Variants in ADAMTS6 observed in about 807,000 individuals in gnomAD.
The protein encoded by ADAMTS6 is A disintegrin and metalloproteinase with thrombospondin motifs 6.
ADAMTS6 carries 23 observed loss-of-function variants against 144.3 expected under a neutral mutation model. The observed-to-expected ratio is 0.16, with a 90% confidence interval of 0.11 to 0.23. The LOEUF (loss-of-function observed/expected upper bound fraction) is 0.23, where lower values mean the gene tolerates loss of function less well. ADAMTS6 is among the 10% of genes least tolerant of loss of function. The pLI, the probability that ADAMTS6 is intolerant of heterozygous loss-of-function variation, is 1.00. For missense variants in ADAMTS6, 999 were observed against 1,379.6 expected (o/e 0.72, Z 4.37); for synonymous variants, 444 against 457.5 (o/e 0.97, Z 0.38).
At position 65,280,593 on chromosome 5, in the gene ADAMTS6, A is replaced by C. The variant is rs145702213; in HGVS notation, c.1513-7146T>G. 2.4e-4 allele frequency among the ~76,000 whole-genome samples: 37 copies of C among 152,328 alleles called. No homozygotes were observed. In the East Asian group the frequency reaches 7.1e-3, roughly 29 times the overall value. On this transcript the variant is annotated intron_variant, in intron 11 of 24. Transcript: ENST00000381055. ...CTAGGAAACATTCACACATGAAAAA[A>C]ACAAGGCTTGTGCATTATACTGGCA...
At chr5:65,283,391 T>C (rs1429362493) in intron 11 of ADAMTS6, among the ~76,000 whole-genome samples, 4 of 151,686 alleles carry the variant, frequency 2.6e-5, no homozygotes, top group Admixed American at 2.6e-4. Context: ...AAACCCTTAA[T>C]CCACAAATCC....
At chr5:65,398,199 A>G (rs1339516076) in intron 7 of ADAMTS6, among the ~76,000 whole-genome samples, 1 of 152,142 alleles carries the variant, frequency 6.6e-6, no homozygotes, top group Non-Finnish European at 1.5e-5. Context: ...CAGTTGCTGA[A>G]TTTGTCCATT....
At chr5:65,251,792 T>C (rs1439217897) in intron 14 of ADAMTS6, 1 of 152,212 alleles carries the variant, frequency 6.6e-6, no homozygotes, top group Non-Finnish European at 1.5e-5. Flanking sequence ...CATCCTTTTC[T>C]GATCTATTCT....
At chr5:65,399,582 G>C (rs903940219) in intron 7 of ADAMTS6, among the ~76,000 whole-genome samples, 1 of 151,654 alleles carries the variant, frequency 6.6e-6, no homozygotes, top group Non-Finnish European at 1.5e-5. Context: ...TACAACTAAT[G>C]CAAGTTCATT....
chr5:65,337,853 G>A (rs1388875051), intron 7 of ADAMTS6, among the ~76,000 whole-genome samples: 1 of 152,104 alleles, frequency 6.6e-6, no homozygotes, highest in Non-Finnish European at 1.5e-5. Context: ...AATAATGCAA[G>A]GAGTCTCGCT....
At chr5:65,219,300 C>A (rs1757143475) in intron 18 of ADAMTS6, among the ~76,000 whole-genome samples, 1 of 152,168 alleles carries the variant, frequency 6.6e-6, no homozygotes, top group African/African-American at 2.4e-5. Context: ...ATAGTTGTAA[C>A]ACAGACTGTA....
chr5:65,390,358 AT>A lies in ADAMTS6; in HGVS notation c.1074-56274del, dbSNP rs1401227371. On this transcript the variant is annotated intron_variant, in intron 7 of 24. Coordinates refer to ENST00000381055, the MANE Select transcript of ADAMTS6 (RefSeq NM_197941.4). ...AGAGAAAAAAATAAGTAAAAAAGGC[AT>A]TGATAGAGTAGGCTGACAGAGATTT... 4.6e-5 allele frequency among the ~76,000 whole-genome samples: 7 copies of A among 152,340 alleles called. No homozygotes were observed. The East Asian group carries it at 1.4e-3, about 29-fold the overall frequency.
At chr5:65,436,411 G>A (rs1411886326) in intron 7 of ADAMTS6, among the ~76,000 whole-genome samples, 1 of 152,098 alleles carries the variant, frequency 6.6e-6, no homozygotes, top group Non-Finnish European at 1.5e-5. Context: ...TTCAAGACAT[G>A]CTTTATTTTA....
chr5:65,303,745 A>G (rs1418313702), intron 9 of ADAMTS6, among the ~76,000 whole-genome samples: 1 of 152,028 alleles, frequency 6.6e-6, no homozygotes, highest in Non-Finnish European at 1.5e-5. Context: ...AGAGGGGAAA[A>G]TGATATAAAT....
At chr5:65,339,306 G>A (rs1747599901) in intron 7 of ADAMTS6, among the ~76,000 whole-genome samples, 1 of 151,908 alleles carries the variant, frequency 6.6e-6, no homozygotes, top group Non-Finnish European at 1.5e-5. Context: ...CTAGAACCAA[G>A]GCTAACAGAC....
intron 23 of ADAMTS6, 68 bp from the exon 24 acceptor site, chr5:65,170,841 ATGTC>A: frequency 6.7e-7 from 1 of 1,502,900 alleles, no homozygotes; most frequent in Non-Finnish European, 9.1e-7. Context: ...AAAATATACT[ATGTC>A]ATTTCAAATA....
intron 7 of ADAMTS6, among the ~76,000 whole-genome samples, chr5:65,372,931 C>T (rs1354547677): frequency 6.6e-6 from 1 of 152,132 alleles, no homozygotes. Context: ...TGCAATCAAA[C>T]TAGAACTCAG....
chr5:65,381,332 C>T (rs754632138), intron 7 of ADAMTS6, among the ~76,000 whole-genome samples: 5 of 150,640 alleles, frequency 3.3e-5, no homozygotes, highest in African/African-American at 1.2e-4. Flanking sequence ...TTCTAGGTAA[C>T]CAAAGCAAAA....
chr5:65,203,893 T>C (rs1030319039), intron 20 of ADAMTS6, among the ~76,000 whole-genome samples: 1 of 152,218 alleles, frequency 6.6e-6, no homozygotes, highest in African/African-American at 2.4e-5. Context: ...CTGTGATATA[T>C]AGATCATTAA....
At chr5:65,250,730 A>G (rs1446541985) in intron 14 of ADAMTS6, among the ~76,000 whole-genome samples, 2 of 152,180 alleles carry the variant, frequency 1.3e-5, no homozygotes, top group Non-Finnish European at 2.9e-5. Flanking sequence ...GTAAACACCA[A>G]ATCACAAGTA....
intron 7 of ADAMTS6, among the ~76,000 whole-genome samples, chr5:65,447,529 T>G (rs1206620086): frequency 6.6e-6 from 1 of 152,068 alleles, no homozygotes; most frequent in Non-Finnish European, 1.5e-5. Context: ...AATTTGCAAG[T>G]TTTATAGCAA....
intron 15 of ADAMTS6, among the ~76,000 whole-genome samples, chr5:65,235,901 T>G (rs1401923495): frequency 6.6e-6 from 1 of 152,238 alleles, no homozygotes; most frequent in Non-Finnish European, 1.5e-5. Flanking sequence ...CTTAAGTTAA[T>G]GCTTAGTATG....
intron 9 of ADAMTS6, among the ~76,000 whole-genome samples, chr5:65,315,999 C>A (rs1247580057): frequency 6.6e-6 from 1 of 152,166 alleles, no homozygotes; most frequent in Non-Finnish European, 1.5e-5. Flanking sequence ...GCAACCTCTG[C>A]CTCCCGGGTT....
intron 7 of ADAMTS6, among the ~76,000 whole-genome samples, chr5:65,380,662 C>T (rs1260284873): frequency 2.0e-5 from 3 of 152,124 alleles, no homozygotes; most frequent in Non-Finnish European, 4.4e-5. Context: ...TTTATTTTTG[C>T]ATTTCTTTGT....
Sources: allele counts gnomAD v4.1 joint callset (sites outside exome capture counted in the v4.1 genomes callset), GRCh38; gene constraint gnomAD v4.1.1; transcripts MANE v1.5; gene names NCBI Gene and HGNC (gene_info 2026-07-23, HGNC 2026-07-21).